Variants in CD99 observed in about 807,000 individuals in gnomAD.
CD99 encodes CD99 antigen.
In CD99, 19 loss-of-function variants were observed where a neutral mutation model predicts 28.4. The observed-to-expected ratio is 0.67, with a 90% CI of 0.47 to 0.98. CD99 has a LOEUF of 0.98. Ranked by LOEUF, CD99 falls within the 50% of genes least tolerant of loss-of-function variation. CD99 has a pLI of 0.00. For synonymous variants in CD99, 103 were observed against 92.1 expected (o/e 1.12, Z -0.67); for missense variants, 283 against 248.8 (o/e 1.14, Z -0.92).
intron 1 of CD99, among the ~76,000 whole-genome samples, chrX:2,701,946 T>A (rs955919991): frequency 1.2e-4 from 18 of 152,202 alleles, no homozygotes; most frequent in African/African-American, 3.6e-4. Flanking sequence ...CACGTTTGCA[T>A]CACATGGGTA....
chrX:2,693,251 G>A (rs1276134459), intron 1 of CD99, among the ~76,000 whole-genome samples: 3 of 143,382 alleles, frequency 2.1e-5, no homozygotes, highest in African/African-American at 7.7e-5. Context: ...CCACAGCAGT[G>A]TTCATCTGGA....
intron 2 of CD99, chrX:2,714,775 C>T: frequency 3.4e-6 from 1 of 291,542 alleles, no homozygotes; most frequent in Non-Finnish European, 6.4e-6. Flanking sequence ...CACAGGGTTG[C>T]TGCAGGCCTT....
intron 8 of CD99, chrX:2,733,601 T>C: frequency 1.9e-6 from 1 of 532,708 alleles, no homozygotes; most frequent in Non-Finnish European, 3.4e-6. Context: ...ATCATATTTC[T>C]GCATAAGAGC....
chrX:2,723,483 G>C (rs752798916), intron 7 of CD99, 119 bp downstream of exon 7: 4 of 1,165,944 alleles, frequency 3.4e-6, no homozygotes, highest in South Asian at 1.2e-5. Context: ...ACTGGCAGGA[G>C]GCACGGGTGT....
At chrX:2,706,946 A>G (rs1193812401) in intron 1 of CD99, among the ~76,000 whole-genome samples, 2 of 151,506 alleles carry the variant, frequency 1.3e-5, no homozygotes, top group Non-Finnish European at 2.9e-5. Context: ...TCAGCCTCCC[A>G]AGTAACTGGG....
chrX:2,728,097 G>T (rs1041637467), intron 8 of CD99, among the ~76,000 whole-genome samples: 1 of 151,950 alleles, frequency 6.6e-6, no homozygotes, highest in Non-Finnish European at 1.5e-5. Context: ...TGAGCTGCTC[G>T]TGTTTATTTC....
At chrX:2,739,317 A>AT (rs2050094181) in intron 9 of CD99, among the ~76,000 whole-genome samples, 1 of 152,136 alleles carries the variant, frequency 6.6e-6, no homozygotes, top group Non-Finnish European at 1.5e-5. Context: ...GTGTGTGTGT[A>AT]TATGTGCGTG....
chrX:2,719,372 T>C, intron 3 of CD99: 1 of 419,110 alleles, frequency 2.4e-6, no homozygotes, highest in Non-Finnish European at 4.2e-6. Flanking sequence ...AATTCATTTA[T>C]AAATTACTTT....
chrX:2,719,749 TATC>T, intron 4 of CD99, 44 bp downstream of exon 4: 3 of 1,553,452 alleles, frequency 1.9e-6, no homozygotes, highest in Non-Finnish European at 2.7e-6. Context: ...ATCTGCTTAT[TATC>T]ACCCAATTAT....
chrX:2,718,369 C>CT (rs750689789), intron 3 of CD99, among the ~76,000 whole-genome samples: 2,272 of 136,892 alleles, frequency 0.017, 14 homozygotes, highest in Middle Eastern at 0.024. Flanking sequence ...TTCTTTCTTT[C>CT]TTTTTTTTTT....
At chrX:2,698,677 G>A (rs1159896064) in intron 1 of CD99, among the ~76,000 whole-genome samples, 1 of 152,160 alleles carries the variant, frequency 6.6e-6, no homozygotes, top group South Asian at 2.1e-4. Flanking sequence ...CTGTCGCCCA[G>A]GCTGGTGGAC....
chrX:2,691,907 TG>T, intron 1 of CD99: 2 of 778,812 alleles, frequency 2.6e-6, no homozygotes, highest in Non-Finnish European at 2.4e-6. Flanking sequence ...ACCCGGGTGG[TG>T]GGGGGAAGGG....
chrX:2,706,212 C>T (rs1305631159), intron 1 of CD99, among the ~76,000 whole-genome samples: 1 of 151,714 alleles, frequency 6.6e-6, no homozygotes, highest in East Asian at 1.9e-4. Flanking sequence ...ACAAAAAAAT[C>T]AGCCGGGCGT....
At chrX:2,737,423 G>C (rs1361037263) in intron 8 of CD99, among the ~76,000 whole-genome samples, 1 of 124 alleles carries the variant, frequency 8.1e-3, no homozygotes. Flanking sequence ...TGATCCGCCC[G>C]CCTGGCCTCC....
At chrX:2,711,271 A>G (rs1453446807) in intron 1 of CD99, among the ~76,000 whole-genome samples, 1 of 148,122 alleles carries the variant, frequency 6.8e-6, no homozygotes, top group Non-Finnish European at 1.5e-5. Context: ...GTATAAATAT[A>G]TAATTCGTAT....
At chrX:2,717,721 C>A in intron 3 of CD99, 69 bp downstream of exon 3, 1 of 1,377,360 alleles carries the variant, frequency 7.3e-7, no homozygotes, top group Non-Finnish European at 1.0e-6. Context: ...CAGGACGGGA[C>A]TTAGGCAACT....
intron 1 of CD99, among the ~76,000 whole-genome samples, chrX:2,712,119 G>A (rs2048436842): frequency 6.6e-6 from 1 of 152,122 alleles, no homozygotes; most frequent in South Asian, 2.1e-4. Flanking sequence ...AGTAAGCCGA[G>A]CACAGAAAGA....
At chrX:2,705,967 G>A (rs1165363427) in intron 1 of CD99, among the ~76,000 whole-genome samples, 1 of 151,848 alleles carries the variant, frequency 6.6e-6, no homozygotes, top group Non-Finnish European at 1.5e-5. Flanking sequence ...TTATCTCTAG[G>A]CTGGGGACCC....
At chrX:2,732,197 A>C (rs113075535) in intron 8 of CD99, among the ~76,000 whole-genome samples, 5,866 of 152,030 alleles carry the variant, frequency 0.039, 170 homozygotes, top group Non-Finnish European at 0.06. Flanking sequence ...TGCTTCTCTC[A>C]TGCACTCGGG....
Sources: allele counts gnomAD v4.1 joint callset (sites outside exome capture counted in the v4.1 genomes callset), GRCh38; gene constraint gnomAD v4.1.1; transcripts MANE v1.5; gene names NCBI Gene and HGNC (gene_info 2026-07-23, HGNC 2026-07-21).